MICAL3: variants seen among roughly 807,000 people sequenced by gnomAD.
The protein encoded by MICAL3 is [F-actin]-monooxygenase MICAL3.
MICAL3 carries 62 observed loss-of-function variants against 207.4 expected under a neutral mutation model. The observed-to-expected ratio is 0.30, with a 90% CI of 0.24 to 0.37. MICAL3 has a LOEUF of 0.37. Ranked by LOEUF, MICAL3 falls within the 10% of genes least tolerant of loss-of-function variation. The probability of loss-of-function intolerance (pLI) is 1.00; values close to 1 mark genes in which losing one functional copy is unlikely to be tolerated. For synonymous variants in MICAL3, 1,077 were observed against 1,069.3 expected (o/e 1.01, Z -0.14); for missense variants, 2,368 against 2,635.6 (o/e 0.90, Z 2.22).
rs138168014 is a variant in MICAL3, at chr22:17,854,067, G to A, written c.2605+10832C>T. 4.2e-3 allele frequency among the ~76,000 whole-genome samples: 645 copies of A among 152,182 alleles called. 6 individuals are homozygous for A. Among genetic ancestry groups the A allele is most frequent in the African/African-American group, 0.015 (610 of 41,510 alleles). On this transcript the variant is annotated intron_variant, in intron 19 of 31. Transcript: ENST00000441493. ...ATCCTGATGGCCTCCTCTACCCCAC[G>A]CCCACTTCTCCCACAATATAACTGA...
chr22:17,928,720 T>C (rs1933056461), intron 1 of MICAL3, among the ~76,000 whole-genome samples: 1 of 152,220 alleles, frequency 6.6e-6, no homozygotes, highest in Non-Finnish European at 1.5e-5. Flanking sequence ...TTATATATTG[T>C]GTTACATGCC....
chr22:17,982,111 TAA>T (rs71184754), intron 1 of MICAL3, among the ~76,000 whole-genome samples: 40,632 of 143,268 alleles, frequency 0.28, 5,895 homozygotes, highest in African/African-American at 0.39. Context: ...TCTCAAAAAA[TAA>T]AAAAAAAAAA....
intron 25 of MICAL3, 74 bp from the exon 26 acceptor site, chr22:17,819,203 C>G: frequency 7.2e-7 from 1 of 1,396,618 alleles, no homozygotes; most frequent in Non-Finnish European, 9.4e-7. Flanking sequence ...GGGGAGCCTT[C>G]TCACTCAAAG....
rs562527316 is a variant in MICAL3, at chr22:17,926,665, T to C, written c.-74-19779A>G. ...TCTACCTAAGTCAGAACTCCAGGTG[T>C]TGGCCTCCACACCGCTCCTACTTCC... On this transcript the variant is annotated intron_variant, in intron 1 of 31. Coordinates refer to ENST00000441493, the MANE Select transcript of MICAL3 (RefSeq NM_015241.3). Among the ~76,000 whole-genome samples the C allele has an allele frequency of 1.1e-4, 16 of 152,352 alleles. No individual in the cohort carries two copies. The East Asian group carries it at 2.9e-3, about 28-fold the overall frequency.
chr22:17,834,281 A>C (rs1923122876), intron 20 of MICAL3: 2 of 1,108,190 alleles, frequency 1.8e-6, no homozygotes, highest in South Asian at 3.9e-5. Flanking sequence ...CAGCCAGTGG[A>C]CAAAAGAATA....
chr22:17,932,400 T>G (rs1933310420), intron 1 of MICAL3, among the ~76,000 whole-genome samples: 1 of 152,146 alleles, frequency 6.6e-6, no homozygotes, highest in South Asian at 2.1e-4. Flanking sequence ...GAAGGAGAAA[T>G]AAAATCCTTT....
At chr22:17,842,643 G>A (rs1342237258) in intron 19 of MICAL3, among the ~76,000 whole-genome samples, 2 of 152,236 alleles carry the variant, frequency 1.3e-5, no homozygotes, top group Non-Finnish European at 2.9e-5. Context: ...AGGCCCGACC[G>A]CTCACAGAGG....
chr22:17,862,234 C>T, intron 19 of MICAL3: 2 of 985,458 alleles, frequency 2.0e-6, no homozygotes, highest in Non-Finnish European at 2.4e-6. Flanking sequence ...TTCTGGGACC[C>T]TGAAACACCT....
chr22:17,867,566 C>T (rs1035373283), intron 17 of MICAL3, among the ~76,000 whole-genome samples: 3 of 152,226 alleles, frequency 2.0e-5, no homozygotes, highest in South Asian at 2.1e-4. Context: ...CTGGCAACCA[C>T]GTGGCCTGAC....
intron 25 of MICAL3, 86 bp downstream of exon 25, chr22:17,821,341 C>G (rs764790917): frequency 7.3e-5 from 90 of 1,233,466 alleles, no homozygotes; most frequent in Non-Finnish European, 9.7e-5. Context: ...GGGACCCACA[C>G]CATGGGCCCT....
intron 1 of MICAL3, chr22:18,000,968 C>A (rs995446058): frequency 1.3e-5 from 2 of 151,638 alleles, no homozygotes; most frequent in African/African-American, 4.8e-5. Flanking sequence ...CCAAAAAGCA[C>A]CCCCCGACCC....
Position 17,893,835 on chromosome 22 carries a change from G to C in MICAL3, c.1519C>G (p.Arg507Gly). 6.3e-7 allele frequency: 1 copy of C among 1,577,706 alleles called. No individual in the cohort carries two copies. The highest frequency in any genetic ancestry group is 8.6e-7 in the Non-Finnish European group (1 of 1,160,396). The part of the protein sequence containing the change: ...HLEMESLVNS[R>G]TTPKLTRNES... ...TTGCGAGTCAATTTGGGGGTGGTTC[G>C]GGAATTCACCAGGCTCTCCATTTCC... is the stretch of plus-strand genomic sequence containing the variant. The change falls in exon 11 of 32, where the codon CGA (arginine) becomes GGA (glycine). Residue 507 changes from arginine (R) to glycine (G), a missense_variant. Physicochemically the swap from Arg to Gly is moderately radical, Grantham distance 125. Transcript: ENST00000441493.
At chr22:17,825,387 G>A (rs1317071184) in intron 22 of MICAL3, among the ~76,000 whole-genome samples, 3 of 152,172 alleles carry the variant, frequency 2.0e-5, no homozygotes, top group Non-Finnish European at 2.9e-5. Flanking sequence ...AAGCTGCCAC[G>A]CAGGTTGATG....
At chr22:17,969,453 C>T (rs1358294713) in intron 1 of MICAL3, among the ~76,000 whole-genome samples, 1 of 152,324 alleles carries the variant, frequency 6.6e-6, no homozygotes, top group African/African-American at 2.4e-5. Context: ...AGCCGACAGG[C>T]GTTGTGGAAT....
chr22:18,020,774 T>C lies in MICAL3; in HGVS notation c.-75+3507A>G, dbSNP rs909769230. On this transcript the variant is annotated intron_variant, in intron 1 of 31. Coordinates refer to ENST00000441493, the MANE Select transcript of MICAL3 (RefSeq NM_015241.3). ...ATTAAAAATACAAAAATTAGCCGGGTATGGTGGTGGGCACCTGTGGTCCCA... is the reference window on the plus strand; with the variant it reads ...ATTAAAAATACAAAAATTAGCCGGGCATGGTGGTGGGCACCTGTGGTCCCA... Among the ~76,000 whole-genome samples the C allele has an allele frequency of 7.9e-5, 12 of 151,268 alleles. No homozygotes were observed. In the East Asian group the frequency reaches 2.1e-3, roughly 27 times the overall value.
intron 1 of MICAL3, among the ~76,000 whole-genome samples, chr22:17,964,689 T>C (rs117640762): frequency 0.015 from 2,328 of 152,322 alleles, 23 homozygotes; most frequent in Middle Eastern, 0.034. Context: ...GCTGTCCCTT[T>C]AAAGATCTGC....
chr22:17,817,223 T>G, intron 26 of MICAL3, 88 bp downstream of exon 26: 4 of 1,426,344 alleles, frequency 2.8e-6, no homozygotes, highest in South Asian at 1.4e-5. Context: ...GGGGAGCGTG[T>G]GAGTGTGGAT....
At chr22:17,908,336 C>T (rs1931895796) in intron 1 of MICAL3, among the ~76,000 whole-genome samples, 1 of 151,958 alleles carries the variant, frequency 6.6e-6, no homozygotes, top group South Asian at 2.1e-4. Context: ...GAGATGGAGT[C>T]TCGCTTTGTT....
intron 16 of MICAL3, among the ~76,000 whole-genome samples, chr22:17,877,207 TGGAGGTTATGGAGGTTAG>T (rs1569110012): frequency 1.0e-4 from 1 of 9,974 alleles, no homozygotes; most frequent in Admixed American, 9.4e-4. Flanking sequence ...AGGGAGGTTA[TGGAGGTTATGGAGGTTAG>T]GGAGGTTATG....
Sources: gnomAD v4.1 joint callset for allele counts (sites outside exome capture counted in the v4.1 genomes callset) on GRCh38, gnomAD v4.1.1 for gene constraint, MANE v1.5 for transcripts, NCBI Gene and HGNC (gene_info 2026-07-23, HGNC 2026-07-21) for gene names.